The following COPG2 variants were observed in gnomAD, a reference collection of about 807,000 sequenced individuals.
COPG2 encodes the protein coat protein complex I subunit gamma 2.
Under a neutral mutation model 46.3 loss-of-function variants are expected in COPG2, and 37 were observed. That is an observed-to-expected ratio of 0.80 (90% CI 0.61 to 1.05). COPG2 has a LOEUF of 1.05. Ranked by LOEUF, COPG2 falls within the 50% of genes least tolerant of loss-of-function variation. The probability of loss-of-function intolerance (pLI) is 0.00; values close to 1 mark genes in which losing one functional copy is unlikely to be tolerated. For missense variants in COPG2, 427 were observed against 387.8 expected, an observed-to-expected ratio of 1.10 and a Z score of -0.85; for synonymous variants, 159 against 129.7, an observed-to-expected ratio of 1.23 and a Z score of -1.53.
At chr7:130,569,196 A>G (rs1228307053) in intron 9 of COPG2, among the ~76,000 whole-genome samples, 1 of 152,154 alleles carries the variant, frequency 6.6e-6, no homozygotes, top group East Asian at 1.9e-4. Context: ...AAAAGAAATA[A>G]CCAAGATCAG....
chr7:130,539,976 G>T (rs1473252348), intron 20 of COPG2, among the ~76,000 whole-genome samples: 1 of 149,484 alleles, frequency 6.7e-6, no homozygotes, highest in Non-Finnish European at 1.5e-5. Context: ...CTTGAACTTT[G>T]TTGCAGAAGT....
At chr7:130,541,614 T>G (rs1057428065) in intron 20 of COPG2, among the ~76,000 whole-genome samples, 11 of 152,008 alleles carry the variant, frequency 7.2e-5, no homozygotes, top group Non-Finnish European at 5.9e-5. Context: ...CAGAGGCAGA[T>G]GTTCCCCAGA....
chr7:130,645,443 G>C, intron 5 of COPG2: 15 of 386,160 alleles, frequency 3.9e-5, no homozygotes, highest in South Asian at 3.0e-4. Flanking sequence ...GGGCGAAGAT[G>C]ATGTCTTTCT....
intron 14 of COPG2, among the ~76,000 whole-genome samples, chr7:130,553,500 TA>T (rs1793566399): frequency 6.6e-6 from 1 of 152,144 alleles, no homozygotes; most frequent in South Asian, 2.1e-4. Context: ...AGCGCTTTGC[TA>T]AAGAACAGAT....
At chr7:130,663,126 G>T in intron 3 of COPG2, 88 bp from the exon 4 acceptor site, 1 of 677,374 alleles carries the variant, frequency 1.5e-6, no homozygotes, top group Non-Finnish European at 2.3e-6. Flanking sequence ...TTCTATTTCT[G>T]CAAAAATCCT....
chr7:130,603,721 CAAAAAAAA>C (rs782190006), intron 9 of COPG2: 59 of 203,038 alleles, frequency 2.9e-4, no homozygotes, highest in South Asian at 1.0e-3. Context: ...AACTCAGTCT[CAAAAAAAA>C]AAAAAAAAAA....
chr7:130,656,713 ACTAT>A (rs1393661839), intron 4 of COPG2, among the ~76,000 whole-genome samples: 2 of 152,070 alleles, frequency 1.3e-5, no homozygotes, highest in African/African-American at 4.8e-5. Context: ...ATCAAAACAT[ACTAT>A]CTACTTTAGG....
chr7:130,636,074 C>A (rs1364174226), intron 5 of COPG2, among the ~76,000 whole-genome samples: 1 of 152,022 alleles, frequency 6.6e-6, no homozygotes, highest in East Asian at 1.9e-4. Flanking sequence ...GCAACTGTTT[C>A]TTATGATTTC....
rs1222219973 is a variant in COPG2 at position 130,667,960 on chromosome 7, TG to T, written c.38-427del. 2.0e-5 allele frequency among the ~76,000 whole-genome samples: 3 copies of T among 152,176 alleles called. No individual in the cohort carries two copies. The East Asian group carries it at 5.8e-4, about 29-fold the overall frequency. On this transcript the variant is annotated intron_variant, in intron 1 of 23. Transcript: ENST00000425248. Reference sequence around the variant, plus strand: ...GCAGGCGTAAAGGTGCAAGAGGCCATGGAGGTTGACTAACCCAACCCCCTCT... The same window carrying T: ...GCAGGCGTAAAGGTGCAAGAGGCCATGAGGTTGACTAACCCAACCCCCTCT...
chr7:130,663,308 G>A (rs1158818033), intron 3 of COPG2, among the ~76,000 whole-genome samples: 2 of 151,854 alleles, frequency 1.3e-5, no homozygotes, highest in South Asian at 4.1e-4. Context: ...TTAGTAGAAA[G>A]TATCTGAAAT....
chr7:130,554,951 GGA>G, intron 13 of COPG2, 84 bp downstream of exon 13: 1 of 397,752 alleles, frequency 2.5e-6, no homozygotes, highest in Non-Finnish European at 4.4e-6. Context: ...GAGATGATAA[GGA>G]AATCTTAAAA....
intron 20 of COPG2, among the ~76,000 whole-genome samples, chr7:130,540,218 A>G (rs1438911556): frequency 1.3e-5 from 2 of 152,126 alleles, no homozygotes; most frequent in South Asian, 2.1e-4. Flanking sequence ...GGTGGGTTAC[A>G]TATCTAATGT....
chr7:130,527,028 G>C (rs1799781522), intron 20 of COPG2, among the ~76,000 whole-genome samples: 1 of 151,762 alleles, frequency 6.6e-6, no homozygotes, highest in African/African-American at 2.4e-5. Flanking sequence ...ATTACATGTT[G>C]ACTACTGGGG....
intron 20 of COPG2, among the ~76,000 whole-genome samples, chr7:130,539,750 AG>A (rs1442790435): frequency 1.3e-5 from 2 of 152,158 alleles, no homozygotes; most frequent in Admixed American, 6.5e-5. Context: ...AGGGGCCCCC[AG>A]GGAAGGATGG....
intron 9 of COPG2, among the ~76,000 whole-genome samples, chr7:130,598,597 G>A (rs1324219389): frequency 1.3e-5 from 2 of 152,206 alleles, no homozygotes; most frequent in Non-Finnish European, 2.9e-5. Flanking sequence ...AACTTTCCTA[G>A]GTATGGCACG....
chr7:130,586,140 A>C (rs944519170), intron 9 of COPG2, among the ~76,000 whole-genome samples: 1 of 152,138 alleles, frequency 6.6e-6, no homozygotes, highest in Admixed American at 6.6e-5. Flanking sequence ...TCAGCCATAA[A>C]AAAGGAATGA....
At chr7:130,665,416 C>T (rs1279605417) in intron 3 of COPG2, among the ~76,000 whole-genome samples, 1 of 152,046 alleles carries the variant, frequency 6.6e-6, no homozygotes, top group Admixed American at 6.6e-5. Context: ...ATATAGTCAG[C>T]CCTCCATAAC....
At position 130,663,050 on chromosome 7, in the gene COPG2, T is replaced by A; in HGVS notation, c.172-12A>T. ...CCAAAGTGTTCACCCTAAGTAAAAT[T>A]TAAAACAATTTTTAAATTTTAAAAA... On this transcript the variant is annotated splice_polypyrimidine_tract_variant and intron_variant, in intron 3 of 23. Coordinates refer to ENST00000425248, the MANE Select transcript of COPG2 (RefSeq NM_012133.6). The A allele has an allele frequency of 6.8e-7, 1 of 1,476,030 alleles. No individual in the cohort carries two copies. Among genetic ancestry groups the A allele is most frequent in the Non-Finnish European group, 9.0e-7 (1 of 1,105,264 alleles). The allele number at this position is 1,476,030 out of a possible 1,614,324, so 91.4% of individuals were successfully genotyped here. A position where few individuals can be genotyped will look rare whatever the true frequency, so the allele number is the denominator to read the frequency against.
intron 5 of COPG2, among the ~76,000 whole-genome samples, chr7:130,628,573 G>A (rs542810608): frequency 2.2e-4 from 34 of 152,172 alleles, no homozygotes; most frequent in Middle Eastern, 3.4e-3. Flanking sequence ...CTATTGTCCA[G>A]AATAATTTTT....
Sources: gnomAD v4.1 joint callset for allele counts (sites outside exome capture counted in the v4.1 genomes callset) on GRCh38, gnomAD v4.1.1 for gene constraint, MANE v1.5 for transcripts, NCBI Gene and HGNC (gene_info 2026-07-23, HGNC 2026-07-21) for gene names.